The following CD2AP variants were observed in gnomAD, a reference collection of about 807,000 sequenced individuals.
The protein encoded by CD2AP is CD2 associated protein.
Under a neutral mutation model 85.1 loss-of-function variants are expected in CD2AP, and 46 were observed. The ratio of observed to expected loss-of-function variants is 0.54; its 90% CI spans 0.43 to 0.69. CD2AP has a LOEUF of 0.69. CD2AP is among the 30% of genes least tolerant of loss of function. The probability of loss-of-function intolerance (pLI) is 0.00; values close to 1 mark genes in which losing one functional copy is unlikely to be tolerated. For synonymous variants in CD2AP, 255 were observed against 252.9 expected (o/e 1.01, Z -0.08); for missense variants, 769 against 729.5 (o/e 1.05, Z -0.62).
At chr6:47,505,474 C>T (rs575703614) in intron 2 of CD2AP, among the ~76,000 whole-genome samples, 10 of 151,020 alleles carry the variant, frequency 6.6e-5, no homozygotes, top group South Asian at 4.2e-4. Flanking sequence ...ATCTCTTCCC[C>T]GCCTTTCCCG....
intron 3 of CD2AP, among the ~76,000 whole-genome samples, chr6:47,543,628 T>A (rs1582538976): frequency 6.6e-6 from 1 of 152,086 alleles, no homozygotes; most frequent in South Asian, 2.1e-4. Context: ...TATTGGAGGG[T>A]TGGGGAGGGC....
chr6:47,590,038 T>C (rs1768749196), intron 11 of CD2AP, among the ~76,000 whole-genome samples: 1 of 152,000 alleles, frequency 6.6e-6, no homozygotes, highest in African/African-American at 2.4e-5. Flanking sequence ...TCATCTAGAG[T>C]TTTAAATTAT....
chr6:47,519,142 A>G (rs1437333576), intron 2 of CD2AP, among the ~76,000 whole-genome samples: 6 of 152,260 alleles, frequency 3.9e-5, no homozygotes, highest in African/African-American at 1.4e-4. Context: ...GCAGACAAAT[A>G]TGCAAAAGAA....
intron 11 of CD2AP, among the ~76,000 whole-genome samples, chr6:47,591,497 T>C (rs1406289004): frequency 6.6e-6 from 1 of 152,172 alleles, no homozygotes; most frequent in Non-Finnish European, 1.5e-5. Flanking sequence ...CACTACTTTT[T>C]AGGTAGTACA....
At chr6:47,585,240 T>C (rs933105967) in intron 11 of CD2AP, among the ~76,000 whole-genome samples, 3 of 151,648 alleles carry the variant, frequency 2.0e-5, no homozygotes, top group African/African-American at 7.3e-5. Flanking sequence ...GAGGCGGAGC[T>C]TGCAGTGAGC....
intron 2 of CD2AP, among the ~76,000 whole-genome samples, chr6:47,529,915 G>A (rs1234160517): frequency 1.3e-5 from 2 of 152,000 alleles, no homozygotes; most frequent in African/African-American, 4.8e-5. Flanking sequence ...TTCCTTCCAT[G>A]CTCCAGGCAA....
chr6:47,545,447 C>T (rs969280971), intron 4 of CD2AP, among the ~76,000 whole-genome samples: 3 of 152,106 alleles, frequency 2.0e-5, no homozygotes, highest in Non-Finnish European at 2.9e-5. Flanking sequence ...AGGGCATATA[C>T]TCTTGGGAGC....
chr6:47,610,949 T>TTATATGTATATATA (rs1440078108), intron 16 of CD2AP, among the ~76,000 whole-genome samples: 17 of 114,218 alleles, frequency 1.5e-4, no homozygotes, highest in African/African-American at 6.2e-4. Context: ...TATTTCTGAT[T>TTATATGTATATATA]TATATATATA....
At chr6:47,526,326 A>C (rs984489447) in intron 2 of CD2AP, among the ~76,000 whole-genome samples, 3 of 152,132 alleles carry the variant, frequency 2.0e-5, no homozygotes, top group Non-Finnish European at 4.4e-5. Flanking sequence ...CCTCACAGCA[A>C]ACTTTACCTT....
At chr6:47,502,339 C>T (rs1206941061) in intron 1 of CD2AP, among the ~76,000 whole-genome samples, 1 of 151,846 alleles carries the variant, frequency 6.6e-6, no homozygotes, top group African/African-American at 2.4e-5. Flanking sequence ...AGTCTGTTGC[C>T]CAGGCTAGGC....
At position 47,596,000 on chromosome 6, in the gene CD2AP, A is replaced by G; in HGVS notation, c.1248A>G (p.Pro416=). The G allele has an allele frequency of 6.2e-7, 1 of 1,612,828 alleles. No individual in the cohort carries two copies. The highest frequency in any genetic ancestry group is 8.5e-7 in the Non-Finnish European group (1 of 1,179,036). ...TGTACCCAAAGCGACCTGAAAAACC[A>G]GTTCCTCCACCACCTCCTATAGCCA... ...GTVYPKRPEK[P]VPPPPPIAKI... The change falls in exon 12 of 18, where the codon CCA becomes CCG. Residue 416 remains proline (P), a synonymous_variant. Coordinates refer to ENST00000359314, the MANE Select transcript of CD2AP (RefSeq NM_012120.3).
At chr6:47,577,718 T>C (rs539690011) in intron 8 of CD2AP, among the ~76,000 whole-genome samples, 31 of 152,266 alleles carry the variant, frequency 2.0e-4, no homozygotes, top group Admixed American at 3.9e-4. Flanking sequence ...CCCTGTAGAA[T>C]AATTTTTGAA....
intron 2 of CD2AP, among the ~76,000 whole-genome samples, chr6:47,509,793 A>G (rs1766268003): frequency 6.6e-6 from 1 of 152,138 alleles, no homozygotes; most frequent in Non-Finnish European, 1.5e-5. Context: ...TTAAAGTGGT[A>G]TTTTGGCGGA....
In CD2AP at chr6:47,478,227, C is replaced by T. The variant is rs1188238425; in HGVS notation, c.-18C>T. 5 of 1,568,674 alleles carry T rather than the reference C, an allele frequency of 3.2e-6. No individual in the cohort carries two copies. The highest frequency in any genetic ancestry group is 1.2e-5 in the South Asian group (1 of 85,406). Reference sequence around the variant, plus strand: ...GAGGAGGAGCGGACGTCGGCTTCTCCCCGCGGGAGCCCCCAGCATGGGTAA... The same window carrying T: ...GAGGAGGAGCGGACGTCGGCTTCTCTCCGCGGGAGCCCCCAGCATGGGTAA... On this transcript the variant is annotated 5_prime_UTR_variant, in exon 1 of 18. Coordinates refer to ENST00000359314, the MANE Select transcript of CD2AP (RefSeq NM_012120.3).
intron 2 of CD2AP, among the ~76,000 whole-genome samples, chr6:47,511,515 T>C (rs1369456192): frequency 6.6e-6 from 1 of 152,262 alleles, no homozygotes; most frequent in Non-Finnish European, 1.5e-5. Flanking sequence ...AATAATAATG[T>C]ACCAGTGTTA....
chr6:47,547,648 A>C (rs1432161181), intron 4 of CD2AP, among the ~76,000 whole-genome samples: 1 of 152,184 alleles, frequency 6.6e-6, no homozygotes, highest in Non-Finnish European at 1.5e-5. Context: ...GAAACAGTGA[A>C]TTTAAACTAT....
intron 2 of CD2AP, among the ~76,000 whole-genome samples, chr6:47,531,766 A>G (rs1157156016): frequency 6.6e-6 from 1 of 152,110 alleles, no homozygotes; most frequent in Non-Finnish European, 1.5e-5. Context: ...AAGTATTTGA[A>G]GTATGTTTTA....
At chr6:47,609,023 TA>T (rs1350520120) in intron 15 of CD2AP, 99 bp from the exon 16 acceptor site, 24 of 885,810 alleles carry the variant, frequency 2.7e-5, no homozygotes, top group Non-Finnish European at 3.9e-5. Context: ...ATTTGCCACT[TA>T]TCTTGAAGTA....
intron 5 of CD2AP, among the ~76,000 whole-genome samples, chr6:47,562,276 G>A (rs2114076387): frequency 6.6e-6 from 1 of 152,236 alleles, no homozygotes; most frequent in African/African-American, 2.4e-5. Context: ...TGAATTTAGT[G>A]TCTAAAAGAT....
Sources: gnomAD v4.1 joint callset for allele counts (sites outside exome capture counted in the v4.1 genomes callset) on GRCh38, gnomAD v4.1.1 for gene constraint, MANE v1.5 for transcripts, NCBI Gene and HGNC (gene_info 2026-07-23, HGNC 2026-07-21) for gene names.